NHS: variants seen among roughly 807,000 people sequenced by gnomAD.
NHS encodes the protein actin remodeling regulator NHS.
NHS carries 5 observed loss-of-function variants against 72.5 expected under a neutral mutation model. The ratio of observed to expected loss-of-function variants is 0.07; its 90% confidence interval spans 0.04 to 0.14. The LOEUF (loss-of-function observed/expected upper bound fraction) is 0.14. Ranked by LOEUF, NHS falls within the 10% of genes least tolerant of loss-of-function variation. The probability of loss-of-function intolerance (pLI) is 1.00; values close to 1 mark genes in which losing one functional copy is unlikely to be tolerated. For synonymous variants in NHS, 464 were observed against 547.7 expected (o/e 0.85, Z 2.13); for missense variants, 1,072 against 1,355.7 (o/e 0.79, Z 3.29).
chrX:17,591,423 C>T (rs893261020), intron 1 of NHS, among the ~76,000 whole-genome samples: 1 of 111,564 alleles, frequency 9.0e-6, no homozygotes, highest in Non-Finnish European at 1.9e-5. Context: ...GATCAGAAGC[C>T]GATGCATACT....
rs190149713 is a variant in NHS, at chrX:17,463,327, G to A, written c.565+87005G>A. Among the ~76,000 whole-genome samples, 164 of 110,385 alleles carry A rather than the reference G, an allele frequency of 1.5e-3. 1 individual carries two copies. Among genetic ancestry groups the A allele is most frequent in the African/African-American group, 5.0e-3 (152 of 30,354 alleles). The stretch of plus-strand genomic sequence containing the variant: ...CACCATAGCTCCTGGGGATTTGCTG[G>A]GGGGGAGGGCAGGTCATTGTCTTGC... On this transcript the variant is annotated intron_variant, in intron 1 of 8. Coordinates refer to ENST00000676302, the MANE Select transcript of NHS (RefSeq NM_001291867.2).
chrX:17,639,012 C>A (rs1332446908), intron 1 of NHS, among the ~76,000 whole-genome samples: 4 of 111,734 alleles, frequency 3.6e-5, no homozygotes. Flanking sequence ...CAAGGCAATC[C>A]AGGAAAAAAC....
At chrX:17,495,571 G>A (rs1019817447) in intron 1 of NHS, among the ~76,000 whole-genome samples, 3 of 111,756 alleles carry the variant, frequency 2.7e-5, no homozygotes, top group African/African-American at 9.8e-5. Context: ...GAAAACAGGG[G>A]CTTAGGAAGG....
At position 17,727,998 on chromosome X, in the gene NHS, G is replaced by A. The variant is rs765167409; in HGVS notation, c.3892G>A (p.Glu1298Lys). ...KIIQYGPGPD[E>K]TLEQVQKAPS... Reference sequence around the variant, plus strand: ...AATACAATATGGACCTGGTCCAGACGAAACTCTAGAACAGGTACAGAAGGC... The same window carrying A: ...AATACAATATGGACCTGGTCCAGACAAAACTCTAGAACAGGTACAGAAGGC... Residue 1298 changes from glutamate to lysine, a missense_variant, in exon 7 of 9, where the codon GAA (glutamate) becomes AAA (lysine). Physicochemically the swap from Glu to Lys is moderately conservative, Grantham distance 56. Coordinates refer to ENST00000676302, the MANE Select transcript of NHS (RefSeq NM_001291867.2). The A allele has an allele frequency of 1.3e-5, 16 of 1,209,687 alleles. No individual in the cohort carries two copies. The highest frequency in any genetic ancestry group is 5.3e-5 in the African/African-American group (3 of 57,060).
intron 5 of NHS, among the ~76,000 whole-genome samples, chrX:17,723,929 G>A (rs1015732260): frequency 9.0e-6 from 1 of 111,332 alleles, no homozygotes; most frequent in Non-Finnish European, 1.9e-5. Context: ...ACTATGCAAA[G>A]GTATCAGCTT....
At chrX:17,389,617 T>TTTATTTATTTA (rs2064431039) in intron 1 of NHS, among the ~76,000 whole-genome samples, 1 of 74,546 alleles carries the variant, frequency 1.3e-5, no homozygotes, top group African/African-American at 1.1e-4. Context: ...TTATTTATTT[T>TTTATTTATTTA]TTGAGACAGA....
At chrX:17,394,357 A>AT (rs2064461588) in intron 1 of NHS, among the ~76,000 whole-genome samples, 1 of 111,769 alleles carries the variant, frequency 8.9e-6, no homozygotes, top group African/African-American at 3.3e-5. Context: ...AAGTGCTTCA[A>AT]TTTTTTTCCC....
At chrX:17,477,816 C>T (rs1255045825) in intron 1 of NHS, among the ~76,000 whole-genome samples, 3 of 111,808 alleles carry the variant, frequency 2.7e-5, no homozygotes, top group Admixed American at 9.5e-5. Flanking sequence ...AATAGACTCA[C>T]CTAGTGATAG....
At chrX:17,494,157 C>T (rs767570443) in intron 1 of NHS, among the ~76,000 whole-genome samples, 1 of 102,334 alleles carries the variant, frequency 9.8e-6, no homozygotes, top group Non-Finnish European at 2.0e-5. Context: ...CAGCTCACTG[C>T]AGCCTCTGCC....
chrX:17,491,277 C>G (rs142500003), intron 1 of NHS, among the ~76,000 whole-genome samples: 3 of 111,348 alleles, frequency 2.7e-5, no homozygotes, highest in Non-Finnish European at 5.6e-5. Flanking sequence ...ATAAATAGCT[C>G]TTATTATTTT....
intron 1 of NHS, among the ~76,000 whole-genome samples, chrX:17,393,274 C>A (rs1467935602): frequency 2.0e-5 from 2 of 99,673 alleles, no homozygotes; most frequent in Non-Finnish European, 4.2e-5. Context: ...CTTGCTGTAC[C>A]TAGACTTTCT....
At chrX:17,397,405 C>T (rs2064481738) in intron 1 of NHS, among the ~76,000 whole-genome samples, 1 of 111,709 alleles carries the variant, frequency 9.0e-6, no homozygotes, top group African/African-American at 3.3e-5. Flanking sequence ...GTTCTTTGGG[C>T]ACCATGAGCT....
chrX:17,640,679 A>C (rs55659544), intron 1 of NHS, among the ~76,000 whole-genome samples: 130 of 112,461 alleles, frequency 1.2e-3, no homozygotes, highest in Non-Finnish European at 2.1e-3. Context: ...CTTTGTGTTA[A>C]TGCTTGCCAT....
intron 1 of NHS, among the ~76,000 whole-genome samples, chrX:17,506,885 G>A (rs2065061728): frequency 8.9e-6 from 1 of 111,863 alleles, no homozygotes; most frequent in South Asian, 3.8e-4. Flanking sequence ...TCCACTGGCA[G>A]ATTTTTCAGG....
At chrX:17,514,133 A>G (rs2065105853) in intron 1 of NHS, among the ~76,000 whole-genome samples, 1 of 111,497 alleles carries the variant, frequency 9.0e-6, no homozygotes, top group African/African-American at 3.3e-5. Context: ...TGATTCAGTT[A>G]CCTCCCACCA....
At chrX:17,696,433 T>C (rs1300347220) in intron 3 of NHS, among the ~76,000 whole-genome samples, 1 of 112,191 alleles carries the variant, frequency 8.9e-6, no homozygotes, top group East Asian at 2.8e-4. Context: ...TTCTACCTTG[T>C]CTAGGCTGTG....
intron 4 of NHS, among the ~76,000 whole-genome samples, chrX:17,720,522 A>G (rs2066400047): frequency 8.9e-6 from 1 of 112,747 alleles, no homozygotes; most frequent in African/African-American, 3.2e-5. Context: ...TCTTTTAATC[A>G]TCTAGTTTAG....
intron 1 of NHS, among the ~76,000 whole-genome samples, chrX:17,406,539 T>G (rs1459506149): frequency 9.0e-6 from 1 of 111,609 alleles, no homozygotes; most frequent in Admixed American, 9.5e-5. Flanking sequence ...AGCTAAAATG[T>G]TTCCCAGGTT....
rs771382841 is a variant in NHS, at chrX:17,425,522, C to CA, written c.565+49249dup. Among the ~76,000 whole-genome samples the CA allele has an allele frequency of 1.7e-4, 6 of 36,360 alleles. 1 individual carries two copies. Among genetic ancestry groups the CA allele is most frequent in the Non-Finnish European group, 2.9e-4 (6 of 20,998 alleles). The allele number at this position is 36,360 out of a possible 115,157, so 31.6% of individuals were successfully genotyped here. A position where few individuals can be genotyped will look rare whatever the true frequency, so the allele number is the denominator to read the frequency against. On this transcript the variant is annotated intron_variant, in intron 1 of 8. Coordinates refer to ENST00000676302, the MANE Select transcript of NHS (RefSeq NM_001291867.2). ...CCCCAGCCTTGGAACTCTTCTCAGCCAAAAAAAAAAAAAAAAAAAAAAAAA... is the reference window on the plus strand; with the variant it reads ...CCCCAGCCTTGGAACTCTTCTCAGCCAAAAAAAAAAAAAAAAAAAAAAAAAA...
Sources: allele counts gnomAD v4.1 joint callset (sites outside exome capture counted in the v4.1 genomes callset), GRCh38; gene constraint gnomAD v4.1.1; transcripts MANE v1.5; gene names NCBI Gene and HGNC (gene_info 2026-07-23, HGNC 2026-07-21).